Variants in SMUG1 observed in about 807,000 individuals in gnomAD.
SMUG1 encodes the protein single-strand selective monofunctional uracil DNA glycosylase.
SMUG1 carries 13 observed loss-of-function variants against 23.9 expected under a neutral mutation model. The ratio of observed to expected loss-of-function variants is 0.54; its 90% CI spans 0.35 to 0.86. SMUG1 has a LOEUF of 0.86. SMUG1 is among the 40% of genes least tolerant of loss of function. The pLI, the probability that SMUG1 is intolerant of heterozygous loss-of-function variation, is 0.01. For synonymous variants in SMUG1, 133 were observed against 139.8 expected, an observed-to-expected ratio of 0.95 and a Z score of 0.34; for missense variants, 313 against 339.5, an observed-to-expected ratio of 0.92 and a Z score of 0.61.
chr12:54,169,969 C>T (rs532019686), intron 3 of SMUG1, among the ~76,000 whole-genome samples: 1 of 152,202 alleles, frequency 6.6e-6, no homozygotes, highest in African/African-American at 2.4e-5. Context: ...GAGGCCAAGG[C>T]GGGCAGATAA....
At chr12:54,173,560 C>A (rs545405214) in intron 2 of SMUG1, among the ~76,000 whole-genome samples, 40 of 152,314 alleles carry the variant, frequency 2.6e-4, no homozygotes, top group Admixed American at 1.4e-3. Context: ...CCGCGCGGCC[C>A]GCCGCCGAGC....
rs1940931103 is a variant in SMUG1, at chr12:54,180,634, C to G, written c.*1462G>C. 1 of 152,184 alleles carries G rather than the reference C, an allele frequency of 6.6e-6. No homozygotes were observed. The highest frequency in any genetic ancestry group is 2.4e-5 in the African/African-American group (1 of 41,452). 9.4% of individuals were successfully genotyped at this position (152,184 alleles called of 1,614,324 possible). On this transcript the variant is annotated 3_prime_UTR_variant, in exon 4 of 4. Transcript: ENST00000682136. ...TTCCCATCTGCCCCATCACCTGTTT[C>G]TCACGGTGTCCAGAGTATCATATAA... is the stretch of plus-strand genomic sequence containing the variant.
At chr12:54,168,350 T>G (rs1438381648) in intron 3 of SMUG1, 2 of 152,216 alleles carry the variant, frequency 1.3e-5, no homozygotes, top group Non-Finnish European at 2.9e-5. Flanking sequence ...CCTCAAAATG[T>G]GACTTCAGAG....
At chr12:54,186,472 A>G (rs552719231) in intron 2 of SMUG1, among the ~76,000 whole-genome samples, 1 of 152,040 alleles carries the variant, frequency 6.6e-6, no homozygotes, top group East Asian at 1.9e-4. Context: ...CCTCCTGGGT[A>G]CTGGGATTAC....
rs976168959 is a variant in SMUG1 at position 54,167,597 on chromosome 12, A to G, written c.*53-2119T>C. Among the ~76,000 whole-genome samples, 7 of 76,548 alleles carry G rather than the reference A, an allele frequency of 9.1e-5. No individual in the cohort carries two copies. In the African/African-American group the frequency reaches 1.9e-3, roughly 20 times the overall value. The allele number at this position is 76,548 out of a possible 152,430, so 50.2% of individuals were successfully genotyped here. ...GTCCATGGTGCCCTAATGCATTCAG[A>G]AAAAAACTGCATTCACACCAAAGTA... is the stretch of plus-strand genomic sequence containing the variant. On this transcript the variant is annotated intron_variant and NMD_transcript_variant, in intron 3 of 4. Transcript: ENST00000509864.
At chr12:54,176,507 T>TCCCCCCCCCCC, downstream of SMUG1, among the ~76,000 whole-genome samples, 1 of 64,396 alleles carries the variant, frequency 1.6e-5, no homozygotes, top group Non-Finnish European at 3.0e-5. Flanking sequence ...GAAGATCCTG[T>TCCCCCCCCCCC]CCCCCCCCAA....
At chr12:54,187,036 C>G (rs1942638365) in intron 2 of SMUG1, 1 of 152,108 alleles carries the variant, frequency 6.6e-6, no homozygotes, top group African/African-American at 2.4e-5. Flanking sequence ...ATAAAATAAA[C>G]AGCTTTTACC....
chr12:54,183,220 T>G, intron 3 of SMUG1: 1 of 266,778 alleles, frequency 3.7e-6, no homozygotes, highest in Non-Finnish European at 7.0e-6. Flanking sequence ...GGCTCTGTTT[T>G]GAACCTCGCC....
At chr12:54,159,465 C>A (rs1940167494) in intron 4 of SMUG1, among the ~76,000 whole-genome samples, 1 of 152,152 alleles carries the variant, frequency 6.6e-6, no homozygotes, top group African/African-American at 2.4e-5. Context: ...GCACCCCTGG[C>A]GCTTCTCCTC....
downstream of SMUG1, chr12:54,164,396 G>GA (rs982942377): frequency 3.9e-5 from 6 of 152,286 alleles, no homozygotes; most frequent in African/African-American, 1.2e-4. Context: ...GTGGCCAGGA[G>GA]AAAAAAAAGA....
chr12:54,160,792 C>T (rs951910610), downstream of SMUG1, among the ~76,000 whole-genome samples: 2 of 152,208 alleles, frequency 1.3e-5, no homozygotes, highest in African/African-American at 2.4e-5. Context: ...GAAAGAATCC[C>T]GACTCTAGTC....
downstream of SMUG1, among the ~76,000 whole-genome samples, chr12:54,161,820 T>C (rs1188637746): frequency 6.6e-6 from 1 of 152,204 alleles, no homozygotes; most frequent in Non-Finnish European, 1.5e-5. This position sits in a 1 kb window ranked among gnomAD's most constrained non-coding sequence, Gnocchi z 4.2. Flanking sequence ...AGCAGAACTC[T>C]GGAGCTGGCT....
At chr12:54,163,852 G>C (rs1156295265), downstream of SMUG1, among the ~76,000 whole-genome samples, 6 of 152,200 alleles carry the variant, frequency 3.9e-5, no homozygotes. Flanking sequence ...ACACAGATAA[G>C]GCGTTTAGTA....
downstream of SMUG1, chr12:54,162,993 G>C (rs971516728): frequency 2.0e-5 from 3 of 152,260 alleles, no homozygotes. Context: ...CTAGGAGGCT[G>C]CACAGCAGAG....
In SMUG1 at chr12:54,181,113, G is replaced by A. The variant is rs1941002627; in HGVS notation, c.*983C>T. On this transcript the variant is annotated 3_prime_UTR_variant, in exon 4 of 4. Coordinates refer to ENST00000682136, the MANE Select transcript of SMUG1 (RefSeq NM_001243787.2). ...ACTACCTTCCACCTCTAGCATGCAA[G>A]AGGGGGAAAAAAGTAACAAGACAAA... The A allele has an allele frequency of 6.4e-6, 1 of 156,864 alleles. No individual in the cohort carries two copies. The highest frequency in any genetic ancestry group is 6.3e-5 in the Admixed American group (1 of 15,902). The allele number at this position is 156,864 out of a possible 1,614,324, so 9.7% of individuals were successfully genotyped here. A position where few individuals can be genotyped will look rare whatever the true frequency, so the allele number is the denominator to read the frequency against.
intron 2 of SMUG1, among the ~76,000 whole-genome samples, chr12:54,173,772 C>T (rs527660799): frequency 6.7e-6 from 1 of 150,208 alleles, no homozygotes; most frequent in African/African-American, 2.5e-5. Context: ...ACGCTCCCCC[C>T]ACCCAGACAG....
At chr12:54,176,251 G>A (rs1051388214), downstream of SMUG1, among the ~76,000 whole-genome samples, 1 of 152,046 alleles carries the variant, frequency 6.6e-6, no homozygotes, top group Non-Finnish European at 1.5e-5. Flanking sequence ...TGGGCATGGT[G>A]CCTCATGCCT....
At chr12:54,186,329 T>C (rs1942442562) in intron 2 of SMUG1, among the ~76,000 whole-genome samples, 1 of 132,906 alleles carries the variant, frequency 7.5e-6, no homozygotes, top group African/African-American at 2.8e-5. Context: ...GGAATCTGTG[T>C]TTTTTGTTTT....
chr12:54,171,686 C>CAAAA lies in SMUG1; in HGVS notation c.*52+335_*52+338dup, dbSNP rs55830557. ...TGGCAACAGAGCTAGAGTCTTGTCT[C>CAAAA]AAAAAAAAAAAAAAAAAAAAAAGCT... On this transcript the variant is annotated intron_variant and NMD_transcript_variant, in intron 3 of 4. Transcript: ENST00000509864. 2.8e-4 allele frequency among the ~76,000 whole-genome samples: 19 copies of CAAAA among 69,008 alleles called. 1 individual carries two copies. The highest frequency in any genetic ancestry group is 4.7e-4 in the Non-Finnish European group (18 of 38,326). 45.3% of individuals were successfully genotyped at this position (69,008 alleles called of 152,430 possible). A position where few individuals can be genotyped will look rare whatever the true frequency, so the allele number is the denominator to read the frequency against.
Sources: allele counts gnomAD v4.1 joint callset (sites outside exome capture counted in the v4.1 genomes callset), GRCh38; gene constraint gnomAD v4.1.1; non-coding constraint Gnocchi (gnomAD v3.1); transcripts MANE v1.5; gene names NCBI Gene and HGNC (gene_info 2026-07-23, HGNC 2026-07-21).